The following PRKCA variants were observed in gnomAD, a reference collection of about 807,000 sequenced individuals.
PRKCA encodes protein kinase C alpha type.
A neutral mutation model predicts 87.0 loss-of-function variants in PRKCA; 27 were observed. The ratio of observed to expected loss-of-function variants is 0.31; its 90% CI spans 0.23 to 0.43. The LOEUF is 0.43. Among genes scored for constraint, PRKCA ranks in the 20% least tolerant of loss-of-function variants. The probability of loss-of-function intolerance (pLI) is 1.00; values close to 1 mark genes in which losing one functional copy is unlikely to be tolerated. For missense variants in PRKCA, 518 were observed against 852.3 expected (o/e 0.61, Z 4.88); for synonymous variants, 329 against 311.1 (o/e 1.06, Z -0.61).
At chr17:66,311,052 G>T (rs16959050) in intron 2 of PRKCA, among the ~76,000 whole-genome samples, 2,095 of 152,218 alleles carry the variant, frequency 0.014, 40 homozygotes, top group African/African-American at 0.047. Context: ...TAGTGCCAGG[G>T]TTTTCCATTA....
chr17:66,793,590 C>CAAA (rs1168440797), intron 16 of PRKCA, among the ~76,000 whole-genome samples: 3 of 51,568 alleles, frequency 5.8e-5, no homozygotes, highest in Admixed American at 2.5e-4. Context: ...AACTCCGTCT[C>CAAA]AAAAAAAAAA....
At position 66,781,868 on chromosome 17, in the gene PRKCA, G is replaced by GAGATATATATATAT. The variant is rs1491546533; in HGVS notation, c.1606-4998_1606-4997insGATATATATATATA. ...ATTTTGTGAGAGAGAGAGAGAGAGA[G>GAGATATATATATAT]ATATATATATATATATATAGTGTGT... On this transcript the variant is annotated intron_variant, in intron 14 of 16. Transcript: ENST00000413366. Among the ~76,000 whole-genome samples, 507 of 99,114 alleles carry GAGATATATATATAT rather than the reference G, an allele frequency of 5.1e-3. 4 individuals carry two copies. The highest frequency in any genetic ancestry group is 0.019 in the African/African-American group (489 of 26,004). The allele number at this position is 99,114 out of a possible 152,430, so 65.0% of individuals were successfully genotyped here.
chr17:66,715,715 A>G (rs1405579703), intron 8 of PRKCA, among the ~76,000 whole-genome samples: 3 of 152,120 alleles, frequency 2.0e-5, no homozygotes, highest in African/African-American at 7.2e-5. Flanking sequence ...GATTCAGGTC[A>G]TCTACTATAA....
At chr17:66,623,765 G>C (rs10451279) in intron 3 of PRKCA, among the ~76,000 whole-genome samples, 1 of 152,124 alleles carries the variant, frequency 6.6e-6, no homozygotes, top group African/African-American at 2.4e-5. Context: ...CCCTTTAACC[G>C]AGAGAGTCAA....
intron 13 of PRKCA, among the ~76,000 whole-genome samples, chr17:66,768,439 C>A (rs1401251047): frequency 6.6e-6 from 1 of 152,094 alleles, no homozygotes; most frequent in Non-Finnish European, 1.5e-5. Flanking sequence ...TATCATTAAC[C>A]TAGGTTTTAC....
chr17:66,791,357 G>C (rs534374633), intron 16 of PRKCA, among the ~76,000 whole-genome samples: 4 of 152,208 alleles, frequency 2.6e-5, no homozygotes, highest in African/African-American at 9.6e-5. Context: ...GCAGAAGCCC[G>C]TGTTCTGCTG....
In PRKCA at chr17:66,562,253, A is replaced by T. The variant is rs201709208; in HGVS notation, c.288+65970A>T. ...ATATATATATATATCTCACCACAATAAAAAAAAAAGTAAAACATAACAAAA... is the reference window on the plus strand; with the variant it reads ...ATATATATATATATCTCACCACAATTAAAAAAAAAGTAAAACATAACAAAA... On this transcript the variant is annotated intron_variant, in intron 3 of 16. Transcript: ENST00000413366. Among the ~76,000 whole-genome samples the T allele has an allele frequency of 5.5e-4, 14 of 25,490 alleles. 1 individual carries two copies. The highest frequency in any genetic ancestry group is 5.0e-4 in the African/African-American group (1 of 1,994). 16.7% of individuals were successfully genotyped at this position (25,490 alleles called of 152,430 possible).
intron 2 of PRKCA, among the ~76,000 whole-genome samples, chr17:66,417,803 G>A (rs781052345): frequency 9.9e-5 from 15 of 152,086 alleles, no homozygotes; most frequent in Admixed American, 3.3e-4. Flanking sequence ...TTTAAATATC[G>A]TTCTCTTCAT....
chr17:66,531,300 C>G (rs1967529810), intron 3 of PRKCA, among the ~76,000 whole-genome samples: 1 of 152,218 alleles, frequency 6.6e-6, no homozygotes, highest in Non-Finnish European at 1.5e-5. Flanking sequence ...AAGTACTCTT[C>G]AGATCAGTGG....
At chr17:66,779,415 C>G (rs1317857238) in intron 14 of PRKCA, among the ~76,000 whole-genome samples, 1 of 152,052 alleles carries the variant, frequency 6.6e-6, no homozygotes, top group Admixed American at 6.5e-5. Flanking sequence ...TGCAAGTGTT[C>G]TCGGTGATCG....
At chr17:66,510,964 C>T (rs1053949420) in intron 3 of PRKCA, among the ~76,000 whole-genome samples, 6 of 152,192 alleles carry the variant, frequency 3.9e-5, no homozygotes, top group African/African-American at 1.4e-4. Flanking sequence ...CCAGGCTGGT[C>T]TCGAACTCCG....
chr17:66,346,232 G>T (rs1907352408), intron 2 of PRKCA, among the ~76,000 whole-genome samples: 1 of 151,744 alleles, frequency 6.6e-6, no homozygotes, highest in African/African-American at 2.4e-5. Flanking sequence ...GAGTAGCTGG[G>T]ACTACAGGCA....
At chr17:66,591,224 C>T (rs1260860122) in intron 3 of PRKCA, among the ~76,000 whole-genome samples, 1 of 152,152 alleles carries the variant, frequency 6.6e-6, no homozygotes, top group Non-Finnish European at 1.5e-5. Context: ...ATGATCAGGG[C>T]TCGCTGTAGC....
At chr17:66,488,301 T>C (rs1213036171) in intron 2 of PRKCA, among the ~76,000 whole-genome samples, 3 of 152,226 alleles carry the variant, frequency 2.0e-5, no homozygotes, top group South Asian at 4.1e-4. Context: ...TTATATGGTA[T>C]GTAAATGAAG....
rs1904589144 is a variant in PRKCA, at chr17:66,302,914, C to G, written c.63C>G (p.Ala21=). Reference sequence around the variant, plus strand: ...CTCAGGACGTGGCCAACCGCTTCGCCCGCAAAGGGGCGCTGAGGCAGAAGA... The same window carrying G: ...CTCAGGACGTGGCCAACCGCTTCGCGCGCAAAGGGGCGCTGAGGCAGAAGA... The part of the protein sequence containing the change: ...TASQDVANRF[A]RKGALRQKNV... The change falls in exon 1 of 17, where the codon GCC becomes GCG. Residue 21 remains alanine (A), a synonymous_variant. Transcript: ENST00000413366. 3.1e-6 allele frequency: 5 copies of G among 1,612,536 alleles called. No homozygotes were observed. Among genetic ancestry groups the G allele is most frequent in the Non-Finnish European group, 4.2e-6 (5 of 1,179,254 alleles).
At chr17:66,782,374 C>T (rs996825969) in intron 14 of PRKCA, among the ~76,000 whole-genome samples, 2 of 152,114 alleles carry the variant, frequency 1.3e-5, no homozygotes, top group African/African-American at 4.8e-5. Flanking sequence ...TATTCCAAAG[C>T]TGGGAGGAGG....
intron 2 of PRKCA, among the ~76,000 whole-genome samples, chr17:66,452,674 A>G (rs938864129): frequency 1.3e-5 from 2 of 152,174 alleles, no homozygotes; most frequent in Non-Finnish European, 2.9e-5. Context: ...CTTCCTTTCT[A>G]CAGTGACTGT....
chr17:66,560,036 A>G (rs948975994), intron 3 of PRKCA, among the ~76,000 whole-genome samples: 10 of 152,214 alleles, frequency 6.6e-5, no homozygotes, highest in African/African-American at 1.2e-4. Flanking sequence ...CTTCTGGTCC[A>G]GGTTTGGAAT....
At chr17:66,723,381 C>T (rs915841631) in intron 8 of PRKCA, among the ~76,000 whole-genome samples, 2 of 152,182 alleles carry the variant, frequency 1.3e-5, no homozygotes, top group East Asian at 1.9e-4. Context: ...GTAATCCCAA[C>T]ACTTTGGGAG....
Sources: allele counts gnomAD v4.1 joint callset (sites outside exome capture counted in the v4.1 genomes callset), GRCh38; gene constraint gnomAD v4.1.1; transcripts MANE v1.5; gene names NCBI Gene and HGNC (gene_info 2026-07-23, HGNC 2026-07-21).